The following DLG2 variants were observed in gnomAD, a reference collection of about 807,000 sequenced individuals.
The protein encoded by DLG2 is discs large MAGUK scaffold protein 2.
Under a neutral mutation model 132.5 loss-of-function variants are expected in DLG2, and 45 were observed. The ratio of observed to expected loss-of-function variants is 0.34; its 90% CI spans 0.27 to 0.44. The LOEUF (loss-of-function observed/expected upper bound fraction) is 0.44. Ranked by LOEUF, DLG2 falls within the 20% of genes least tolerant of loss-of-function variation. The pLI is 1.00. For synonymous variants in DLG2, 424 were observed against 419.6 expected (o/e 1.01, Z -0.13); for missense variants, 1,045 against 1,196.9 (o/e 0.87, Z 1.87).
At chr11:84,241,980 T>C (rs187596153) in intron 8 of DLG2, among the ~76,000 whole-genome samples, 202 of 152,344 alleles carry the variant, frequency 1.3e-3, no homozygotes, top group Non-Finnish European at 2.2e-3. Flanking sequence ...AGCAGCTTTA[T>C]GCTTGAGAAG....
At chr11:84,724,507 T>C (rs1055790648) in intron 6 of DLG2, among the ~76,000 whole-genome samples, 14 of 152,172 alleles carry the variant, frequency 9.2e-5, no homozygotes, top group African/African-American at 3.4e-4. Flanking sequence ...TAGCTTTGAA[T>C]CAGTCATGAG....
intron 9 of DLG2, among the ~76,000 whole-genome samples, chr11:84,142,107 T>A (rs1037604211): frequency 6.6e-6 from 1 of 151,780 alleles, no homozygotes. Flanking sequence ...ATCGAGACCA[T>A]CCTGGCCAAC....
chr11:83,797,608 T>C (rs1355657039), intron 17 of DLG2, among the ~76,000 whole-genome samples: 3 of 152,114 alleles, frequency 2.0e-5, no homozygotes, highest in African/African-American at 7.2e-5. Context: ...AAGCTTCGCC[T>C]TCTGGGTTCA....
intron 6 of DLG2, among the ~76,000 whole-genome samples, chr11:84,713,647 A>G (rs932530730): frequency 6.6e-6 from 1 of 152,188 alleles, no homozygotes; most frequent in Non-Finnish European, 1.5e-5. Flanking sequence ...CCATAAAGTA[A>G]AGATGAAGAA....
At position 84,282,362 on chromosome 11, in the gene DLG2, G is replaced by A. The variant is rs150456227; in HGVS notation, c.520-31071C>T. Among the ~76,000 whole-genome samples, 63 of 152,270 alleles carry A rather than the reference G, an allele frequency of 4.1e-4. 2 individuals are homozygous for A. The East Asian group carries it at 0.012, about 28-fold the overall frequency. On this transcript the variant is annotated intron_variant, in intron 7 of 27. Transcript: ENST00000376104. ...AGTTGACTGGGAATGGGGAGGTAGA[G>A]CAGGTAGGATAAGGTAGTTGGAGGG... is the stretch of plus-strand genomic sequence containing the variant.
intron 18 of DLG2, among the ~76,000 whole-genome samples, chr11:83,740,710 T>C (rs36110284): frequency 0.043 from 6,525 of 152,280 alleles, 206 homozygotes; most frequent in Middle Eastern, 0.11. Flanking sequence ...AAAGTAAAGA[T>C]GATATATTAG....
chr11:84,995,511 T>C (rs2057550546), intron 6 of DLG2, among the ~76,000 whole-genome samples: 1 of 152,206 alleles, frequency 6.6e-6, no homozygotes, highest in South Asian at 2.1e-4. Context: ...CTTAAACACA[T>C]GCCGTGGCCT....
At chr11:84,259,687 A>T (rs1247278662) in intron 7 of DLG2, among the ~76,000 whole-genome samples, 4 of 152,200 alleles carry the variant, frequency 2.6e-5, no homozygotes, top group African/African-American at 9.6e-5. Context: ...AGCTCAGAAA[A>T]CAAGGTAGCA....
At chr11:84,379,713 G>A (rs2098742590) in intron 7 of DLG2, among the ~76,000 whole-genome samples, 1 of 151,766 alleles carries the variant, frequency 6.6e-6, no homozygotes, top group Non-Finnish European at 1.5e-5. Flanking sequence ...TAACATTATT[G>A]AAAGTATCTT....
At chr11:83,534,945 C>G (rs2095846488) in intron 20 of DLG2, among the ~76,000 whole-genome samples, 1 of 151,942 alleles carries the variant, frequency 6.6e-6, no homozygotes, top group African/African-American at 2.4e-5. Flanking sequence ...TTCGTCTCCC[C>G]CAAAAGTAAA....
intron 6 of DLG2, among the ~76,000 whole-genome samples, chr11:84,575,414 C>T (rs1380375408): frequency 6.6e-6 from 1 of 151,936 alleles, no homozygotes; most frequent in Non-Finnish European, 1.5e-5. Context: ...AAACTTAGTT[C>T]CAACATGGAT....
chr11:84,312,748 C>A (rs971693251), intron 7 of DLG2, among the ~76,000 whole-genome samples: 1 of 151,922 alleles, frequency 6.6e-6, no homozygotes. Flanking sequence ...GCTGTAAGCT[C>A]CACAGTAGTA....
At chr11:84,349,905 C>T (rs535337571) in intron 7 of DLG2, among the ~76,000 whole-genome samples, 3 of 151,856 alleles carry the variant, frequency 2.0e-5, no homozygotes, top group Non-Finnish European at 4.4e-5. Context: ...AGGCCGGGCG[C>T]GGTGGCTCAC....
chr11:83,683,499 T>C (rs1165555766), intron 18 of DLG2, among the ~76,000 whole-genome samples: 1 of 152,180 alleles, frequency 6.6e-6, no homozygotes, highest in Non-Finnish European at 1.5e-5. Context: ...AGCAGACTGA[T>C]TTACTATGGC....
intron 4 of DLG2, among the ~76,000 whole-genome samples, chr11:85,266,970 C>T (rs1210164785): frequency 6.6e-6 from 1 of 152,186 alleles, no homozygotes; most frequent in Non-Finnish European, 1.5e-5. Context: ...GTAGTAGTTA[C>T]ATAATTCAAA....
At chr11:84,606,636 C>T (rs542542140) in intron 6 of DLG2, among the ~76,000 whole-genome samples, 1 of 152,124 alleles carries the variant, frequency 6.6e-6, no homozygotes, top group South Asian at 2.1e-4. Context: ...GTCTAAATTC[C>T]TTTTGGACAG....
intron 22 of DLG2, among the ~76,000 whole-genome samples, chr11:83,479,568 A>G (rs1448194597): frequency 6.6e-6 from 1 of 152,122 alleles, no homozygotes; most frequent in Non-Finnish European, 1.5e-5. Flanking sequence ...ATATGTATCT[A>G]TGTTAGTCAC....
At chr11:85,030,861 C>T (rs879752652) in intron 6 of DLG2, among the ~76,000 whole-genome samples, 28 of 151,720 alleles carry the variant, frequency 1.8e-4, no homozygotes, top group Non-Finnish European at 2.7e-4. Context: ...ATTTTATTTT[C>T]GATTTTTATT....
At chr11:84,195,889 G>A (rs1357499097) in intron 8 of DLG2, among the ~76,000 whole-genome samples, 1 of 152,130 alleles carries the variant, frequency 6.6e-6, no homozygotes, top group African/African-American at 2.4e-5. Context: ...AGCTCTGTAA[G>A]TGCAAGGATC....
Sources: allele counts gnomAD v4.1 joint callset (sites outside exome capture counted in the v4.1 genomes callset), GRCh38; gene constraint gnomAD v4.1.1; transcripts MANE v1.5; gene names NCBI Gene and HGNC (gene_info 2026-07-23, HGNC 2026-07-21).